The following FRMPD4 variants were observed in gnomAD, a reference collection of about 807,000 sequenced individuals.
FRMPD4 encodes FERM and PDZ domain containing 4.
In FRMPD4, 22 loss-of-function variants were observed where a neutral mutation model predicts 94.1. The observed-to-expected ratio is 0.23, with a 90% CI of 0.17 to 0.33. FRMPD4 has a LOEUF of 0.33. Ranked by LOEUF, FRMPD4 falls within the 10% of genes least tolerant of loss-of-function variation. The probability of loss-of-function intolerance (pLI) is 1.00; values close to 1 mark genes in which losing one functional copy is unlikely to be tolerated. For synonymous variants in FRMPD4, 631 were observed against 548.6 expected (o/e 1.15, Z -2.10); for missense variants, 1,111 against 1,339.9 (o/e 0.83, Z 2.67).
intron 1 of FRMPD4, among the ~76,000 whole-genome samples, chrX:12,400,639 A>T (rs2056598314): frequency 8.9e-6 from 1 of 112,140 alleles, no homozygotes; most frequent in Admixed American, 9.5e-5. Flanking sequence ...CTGCCACTTT[A>T]ATTTATATGA....
chrX:12,243,969 A>G (rs2053919114), intron 1 of FRMPD4, among the ~76,000 whole-genome samples: 1 of 106,613 alleles, frequency 9.4e-6, no homozygotes, highest in African/African-American at 3.4e-5. Flanking sequence ...CTAATTTTTT[A>G]ATTTTTTGTA....
chrX:12,002,242 C>G (rs1399554047), intron 3 of FRMPD4, among the ~76,000 whole-genome samples: 1 of 111,814 alleles, frequency 8.9e-6, no homozygotes, highest in African/African-American at 3.2e-5. Flanking sequence ...CCTCACTCCC[C>G]TTTACACAGC....
chrX:12,621,445 T>G (rs1334621471), intron 4 of FRMPD4, among the ~76,000 whole-genome samples: 1 of 104,051 alleles, frequency 9.6e-6, no homozygotes, highest in African/African-American at 3.5e-5. Context: ...AATAATCACC[T>G]TAATGAAGCT....
chrX:12,027,391 T>C (rs1280685673), intron 3 of FRMPD4, among the ~76,000 whole-genome samples: 2 of 112,160 alleles, frequency 1.8e-5, no homozygotes, highest in African/African-American at 3.2e-5. Flanking sequence ...AACTATAATT[T>C]CCTCAACCAC....
At chrX:12,189,867 A>G (rs1490360818) in intron 1 of FRMPD4, among the ~76,000 whole-genome samples, 1 of 111,537 alleles carries the variant, frequency 9.0e-6, no homozygotes, top group Non-Finnish European at 1.9e-5. Context: ...ATTGTACAGG[A>G]AAGTCCTAGA....
chrX:12,495,481 C>T (rs2057838606), intron 1 of FRMPD4, among the ~76,000 whole-genome samples: 1 of 111,248 alleles, frequency 9.0e-6, no homozygotes, highest in South Asian at 3.9e-4. Context: ...GGTTCTAACC[C>T]AGTGTTTCTC....
intron 1 of FRMPD4, among the ~76,000 whole-genome samples, chrX:12,479,454 ATG>A (rs1441153884): frequency 6.9e-5 from 7 of 100,962 alleles, no homozygotes; most frequent in Admixed American, 1.1e-4. Flanking sequence ...ATGTATATAT[ATG>A]TATATATGTA....
chrX:11,861,513 A>T (rs2053686837), intron 1 of FRMPD4, among the ~76,000 whole-genome samples: 1 of 112,198 alleles, frequency 8.9e-6, no homozygotes. Flanking sequence ...GATAGATAGT[A>T]AGCACCAGGT....
intron 3 of FRMPD4, among the ~76,000 whole-genome samples, chrX:12,049,550 T>A (rs1423944736): frequency 4.5e-5 from 5 of 111,815 alleles, no homozygotes; most frequent in African/African-American, 1.6e-4. Context: ...ACTGCCTGTA[T>A]GACGGTGGTC....
rs1412384959 is a variant in FRMPD4 at position 11,973,503 on chromosome X, A to G, written c.95+95485A>G. ...AATCTTAGCACCCCTCCCCTACTGA[A>G]CCAGAATCTAAATTTTTTTATAGGT... On this transcript the variant is annotated intron_variant, in intron 3 of 18. Transcript: ENST00000640291. Among the ~76,000 whole-genome samples, 3 of 111,577 alleles carry G rather than the reference A, an allele frequency of 2.7e-5. No homozygotes were observed. In the Admixed American group the frequency reaches 2.8e-4, roughly 11 times the overall value.
intron 14 of FRMPD4, among the ~76,000 whole-genome samples, chrX:12,711,611 G>A (rs1271569950): frequency 1.8e-5 from 2 of 110,956 alleles, no homozygotes; most frequent in Non-Finnish European, 3.8e-5. Context: ...GTCACTGATG[G>A]ACAGATGCCA....
intron 1 of FRMPD4, among the ~76,000 whole-genome samples, chrX:12,312,159 G>A (rs1338487934): frequency 9.5e-6 from 1 of 105,266 alleles, no homozygotes; most frequent in African/African-American, 3.5e-5. Flanking sequence ...TGTTAAAGGT[G>A]TCCATTGGGT....
At chrX:11,964,155 TGTTG>T (rs368663351) in intron 3 of FRMPD4, among the ~76,000 whole-genome samples, 1,274 of 101,635 alleles carry the variant, frequency 0.013, 4 homozygotes, top group Admixed American at 0.017. Flanking sequence ...GTGCTTTTTT[TGTTG>T]TTGTTGTTGT....
intron 4 of FRMPD4, among the ~76,000 whole-genome samples, chrX:12,665,077 A>G (rs1278684041): frequency 9.0e-6 from 1 of 110,730 alleles, no homozygotes; most frequent in Non-Finnish European, 1.9e-5. Context: ...TGTTGTGTCT[A>G]TTTGATTCTT....
At chrX:12,447,846 TCA>T (rs1315762540) in intron 1 of FRMPD4, among the ~76,000 whole-genome samples, 3 of 112,361 alleles carry the variant, frequency 2.7e-5, no homozygotes, top group Non-Finnish European at 5.6e-5. Context: ...CCCTTAATTC[TCA>T]CTGTGTTTCC....
chrX:12,654,543 T>C (rs2059632684), intron 4 of FRMPD4, among the ~76,000 whole-genome samples: 1 of 112,058 alleles, frequency 8.9e-6, no homozygotes, highest in African/African-American at 3.2e-5. Context: ...TATGTATATA[T>C]ATACACACTC....
intron 1 of FRMPD4, among the ~76,000 whole-genome samples, chrX:11,823,814 T>C (rs1385636629): frequency 8.9e-6 from 1 of 112,157 alleles, no homozygotes; most frequent in Non-Finnish European, 1.9e-5. Context: ...GGTAACATTG[T>C]TCTGTTCACA....
At chrX:12,523,472 G>A (rs2058186278) in intron 2 of FRMPD4, among the ~76,000 whole-genome samples, 1 of 111,797 alleles carries the variant, frequency 8.9e-6, no homozygotes, top group East Asian at 2.8e-4. Context: ...TAATGTTAAG[G>A]TGGAGGCTTT....
chrX:12,288,985 G>A (rs1429742792), intron 1 of FRMPD4, among the ~76,000 whole-genome samples: 4 of 112,073 alleles, frequency 3.6e-5, no homozygotes, highest in South Asian at 3.7e-4. Flanking sequence ...AGGAAATGAT[G>A]AATATTTTTA....
Sources: gnomAD v4.1 joint callset for allele counts (sites outside exome capture counted in the v4.1 genomes callset) on GRCh38, gnomAD v4.1.1 for gene constraint, MANE v1.5 for transcripts, NCBI Gene and HGNC (gene_info 2026-07-23, HGNC 2026-07-21) for gene names.